The following USP47 variants were observed in gnomAD, a reference collection of about 807,000 sequenced individuals.
USP47 encodes the protein ubiquitin specific peptidase 47.
Under a neutral mutation model 165.1 loss-of-function variants are expected in USP47, and 35 were observed. That is an observed-to-expected ratio of 0.21 (90% confidence interval 0.16 to 0.28). The LOEUF (loss-of-function observed/expected upper bound fraction) is 0.28. Ranked by LOEUF, USP47 falls within the 10% of genes least tolerant of loss-of-function variation. USP47 has a pLI of 1.00. For synonymous variants in USP47, 531 were observed against 544.5 expected, an observed-to-expected ratio of 0.98 and a Z score of 0.35; for missense variants, 1,277 against 1,607.4, an observed-to-expected ratio of 0.79 and a Z score of 3.52.
chr11:11,936,360 G>A lies in USP47; in HGVS notation c.1927G>A (p.Glu643Lys). 2 of 1,608,150 alleles carry A rather than the reference G, an allele frequency of 1.2e-6. No individual in the cohort carries two copies. The highest frequency in any genetic ancestry group is 1.7e-6 in the Non-Finnish European group (2 of 1,176,230). The change falls in exon 17 of 28, where the codon GAG (glutamate) becomes AAG (lysine). Residue 643 changes from glutamate to lysine, a missense_variant. By Grantham distance (56) the Glu-to-Lys change is moderately conservative. Around this residue, in one of 4 missense-constraint regions of USP47, gnomAD observed 909 missense variants for 1,068.1 expected, o/e 0.85. Coordinates refer to ENST00000527733, the MANE Select transcript of USP47 (RefSeq NM_001282659.2). ...LDCCRLVKYD[E>K]FHDYLERSYE... is the part of the protein sequence containing the mutation. ...TTGCTGTCGCCTTGTTAAATATGAT[G>A]AGTTTCATGATTATCTAGAACGGTC...
chr11:11,879,101 A>G (rs948540659), intron 1 of USP47, among the ~76,000 whole-genome samples: 2 of 152,174 alleles, frequency 1.3e-5, no homozygotes, highest in African/African-American at 4.8e-5. Context: ...TCAGATTTGT[A>G]TATCAGAAAT....
chr11:11,887,952 C>T (rs149251128), intron 3 of USP47, among the ~76,000 whole-genome samples: 2 of 152,252 alleles, frequency 1.3e-5, no homozygotes, highest in African/African-American at 4.8e-5. Context: ...ACAACCTGCT[C>T]CCAAATGACT....
At chr11:11,932,923 C>A in intron 14 of USP47, 81 bp from the exon 15 acceptor site, 1 of 998,492 alleles carries the variant, frequency 1.0e-6, no homozygotes, top group South Asian at 1.5e-5. Flanking sequence ...AAGTATATAC[C>A]ATGAGAGCAT....
At chr11:11,897,359 T>G (rs1397203735) in intron 4 of USP47, among the ~76,000 whole-genome samples, 1 of 152,070 alleles carries the variant, frequency 6.6e-6, no homozygotes. Flanking sequence ...AATCTCCATG[T>G]GTACCTCTGG....
chr11:11,874,138 T>G lies in USP47; in HGVS notation c.40-6039T>G, dbSNP rs142884702. Among the ~76,000 whole-genome samples, 19 of 152,336 alleles carry G rather than the reference T, an allele frequency of 1.2e-4. No individual in the cohort carries two copies. The East Asian group carries it at 3.7e-3, about 29-fold the overall frequency. On this transcript the variant is annotated intron_variant, in intron 1 of 27. Coordinates refer to ENST00000527733, the MANE Select transcript of USP47 (RefSeq NM_001282659.2). The stretch of plus-strand genomic sequence containing the variant: ...ATAGTTGCCTATTTTTCCAGATATA[T>G]TTATTTTCTGAAATATTAATAATTT...
intron 1 of USP47, among the ~76,000 whole-genome samples, chr11:11,857,698 C>T (rs930262361): frequency 4.6e-5 from 7 of 152,160 alleles, no homozygotes; most frequent in Non-Finnish European, 8.8e-5. Flanking sequence ...ACAAAAGAGC[C>T]GGAGGCTACT....
At chr11:11,867,139 C>T (rs138195278) in intron 1 of USP47, among the ~76,000 whole-genome samples, 4 of 152,270 alleles carry the variant, frequency 2.6e-5, no homozygotes, top group South Asian at 2.1e-4. Context: ...TCAGGTGATG[C>T]GCCCACCCGG....
In USP47 at chr11:11,942,612, C is replaced by T; in HGVS notation, c.2591C>T (p.Ser864Leu). 6.2e-7 allele frequency: 1 copy of T among 1,613,464 alleles called. No individual in the cohort carries two copies. The highest frequency in any genetic ancestry group is 8.5e-7 in the Non-Finnish European group (1 of 1,179,742). ...EESTEKLKSL[S>L]LQQQQDGDNG... ...AGCACTGAAAAACTCAAAAGCTTGTCACTGCAGCAACAGCAGGATGGAGAT... is the reference window on the plus strand; with the variant it reads ...AGCACTGAAAAACTCAAAAGCTTGTTACTGCAGCAACAGCAGGATGGAGAT... The change falls in exon 20 of 28, where the codon TCA (serine) becomes TTA (leucine). Residue 864 changes from serine to leucine, a missense_variant. Ser to Leu is a moderately radical substitution (Grantham distance 145). Around this residue, in one of 4 missense-constraint regions of USP47, gnomAD observed 909 missense variants for 1,068.1 expected, o/e 0.85. Transcript: ENST00000527733.
At chr11:11,905,094 C>T (rs892173127) in intron 7 of USP47, among the ~76,000 whole-genome samples, 2 of 151,754 alleles carry the variant, frequency 1.3e-5, no homozygotes, top group African/African-American at 2.4e-5. Flanking sequence ...AAACATTAAT[C>T]GTTCGGTTTT....
At chr11:11,886,607 C>T (rs964216520) in intron 3 of USP47, among the ~76,000 whole-genome samples, 1 of 152,106 alleles carries the variant, frequency 6.6e-6, no homozygotes, top group African/African-American at 2.4e-5. Flanking sequence ...AGAGACCAAA[C>T]GTACAACTGA....
intron 18 of USP47, among the ~76,000 whole-genome samples, chr11:11,940,128 A>G (rs1855363121): frequency 1.3e-5 from 2 of 152,022 alleles, no homozygotes; most frequent in Admixed American, 6.6e-5. Flanking sequence ...TTGGAATCAG[A>G]TCACTCATTT....
chr11:11,923,624 T>C (rs558125758), intron 11 of USP47, among the ~76,000 whole-genome samples: 65 of 152,230 alleles, frequency 4.3e-4, no homozygotes, highest in African/African-American at 1.4e-3. Context: ...AATAATAAAC[T>C]CCTAATGTGA....
chr11:11,877,397 T>C (rs372383238), intron 1 of USP47, among the ~76,000 whole-genome samples: 4 of 152,260 alleles, frequency 2.6e-5, no homozygotes, highest in African/African-American at 9.6e-5. Flanking sequence ...AGTGGCTAGC[T>C]TAGAGCTTTA....
chr11:11,949,556 A>T (rs1406357103), intron 22 of USP47, among the ~76,000 whole-genome samples: 1 of 152,148 alleles, frequency 6.6e-6, no homozygotes, highest in Non-Finnish European at 1.5e-5. Flanking sequence ...CCCTCATTTT[A>T]GTCCATAAAA....
At position 11,960,735 on chromosome 11, in the gene USP47, G is replaced by A. The variant is rs2134961603; in HGVS notation, c.*4560G>A. Among the ~76,000 whole-genome samples the A allele has an allele frequency of 6.6e-6, 1 of 152,358 alleles. No homozygotes were observed. On this transcript the variant is annotated 3_prime_UTR_variant, in exon 28 of 28. Coordinates refer to ENST00000527733, the MANE Select transcript of USP47 (RefSeq NM_001282659.2). ...GAGGTGGCCACTTTCAGCAAGCCCT[G>A]TGTGCAGGGGCCTAGCTGCATTTAG...
chr11:11,889,859 CAT>C (rs1193774974), intron 3 of USP47, among the ~76,000 whole-genome samples: 1 of 152,060 alleles, frequency 6.6e-6, no homozygotes, highest in Non-Finnish European at 1.5e-5. Flanking sequence ...AGAACAGACA[CAT>C]AGACCAATGG....
At chr11:11,857,645 G>A (rs1208484400) in intron 1 of USP47, among the ~76,000 whole-genome samples, 2 of 152,116 alleles carry the variant, frequency 1.3e-5, no homozygotes, top group African/African-American at 2.4e-5. Flanking sequence ...TTACTTCTTA[G>A]AACTAAATTG....
At position 11,873,949 on chromosome 11, in the gene USP47, TA is replaced by T. The variant is rs1388558455; in HGVS notation, c.40-6226del. 15 of 694,122 alleles carry T rather than the reference TA, an allele frequency of 2.2e-5. No individual in the cohort carries two copies. In the East Asian group the frequency reaches 4.7e-4, roughly 22 times the overall value. 43.0% of individuals were successfully genotyped at this position (694,122 alleles called of 1,614,324 possible). ...TTTTATTTAATATCAAGGCATGTCT[TA>T]AGTTTTATGCTTGTTTGGCTATTTT... On this transcript the variant is annotated intron_variant, in intron 1 of 27. Transcript: ENST00000527733.
intron 3 of USP47, among the ~76,000 whole-genome samples, chr11:11,887,501 G>A (rs1183040441): frequency 6.6e-6 from 1 of 152,074 alleles, no homozygotes; most frequent in Non-Finnish European, 1.5e-5. Flanking sequence ...ATAGTAAAGG[G>A]TTCAATCCAA....
Sources: gnomAD v4.1 joint callset for allele counts (sites outside exome capture counted in the v4.1 genomes callset) on GRCh38, gnomAD v4.1.1 for gene constraint, gnomAD v4.1.1 regional missense constraint, MANE v1.5 for transcripts, NCBI Gene and HGNC (gene_info 2026-07-23, HGNC 2026-07-21) for gene names.